The following GMDS variants were observed in gnomAD, a reference collection of about 807,000 sequenced individuals.
GMDS encodes GDP-mannose 4,6-dehydratase.
In GMDS, 20 loss-of-function variants were observed where a neutral mutation model predicts 49.9. The observed-to-expected ratio is 0.40, with a 90% CI of 0.28 to 0.58. The LOEUF (loss-of-function observed/expected upper bound fraction) is 0.58. Ranked by LOEUF, GMDS falls within the 20% of genes least tolerant of loss-of-function variation. The probability of loss-of-function intolerance (pLI) is 0.42; values close to 1 mark genes in which losing one functional copy is unlikely to be tolerated. For synonymous variants in GMDS, 177 were observed against 178.6 expected, an observed-to-expected ratio of 0.99 and a Z score of 0.07; for missense variants, 362 against 481.4, an observed-to-expected ratio of 0.75 and a Z score of 2.32.
intron 8 of GMDS, 43 bp downstream of exon 8, chr6:1,742,425 C>T: frequency 8.9e-7 from 1 of 1,119,706 alleles, no homozygotes; most frequent in Non-Finnish European, 1.4e-6. Context: ...CAGGTGCATA[C>T]CTGCCAGAGA....
At chr6:2,121,615 C>A (rs1775143412) in intron 2 of GMDS, among the ~76,000 whole-genome samples, 1 of 152,156 alleles carries the variant, frequency 6.6e-6, no homozygotes. Flanking sequence ...TGAGGTGACA[C>A]AAAGTGATTA....
chr6:1,936,172 T>G (rs542814075), intron 6 of GMDS, among the ~76,000 whole-genome samples: 120 of 152,316 alleles, frequency 7.9e-4, no homozygotes, highest in African/African-American at 2.8e-3. Flanking sequence ...GTGTTTTAAT[T>G]TCTCAGTTCT....
intron 7 of GMDS, among the ~76,000 whole-genome samples, chr6:1,861,908 G>T (rs1340648360): frequency 6.6e-6 from 1 of 152,154 alleles, no homozygotes; most frequent in Non-Finnish European, 1.5e-5. Flanking sequence ...TTTATCTGTT[G>T]CACTGAAAAT....
chr6:2,101,204 C>T (rs1773904565), intron 4 of GMDS, among the ~76,000 whole-genome samples: 1 of 151,250 alleles, frequency 6.6e-6, no homozygotes, highest in Non-Finnish European at 1.5e-5. Flanking sequence ...AAGGGTTTAA[C>T]CGGGATGTTT....
intron 7 of GMDS, among the ~76,000 whole-genome samples, chr6:1,842,992 G>A (rs1263667416): frequency 2.0e-5 from 3 of 151,830 alleles, no homozygotes; most frequent in Non-Finnish European, 2.9e-5. Context: ...CTGTAGTCCC[G>A]GCTACTTAGG....
At chr6:1,798,807 A>T (rs1054407840) in intron 7 of GMDS, among the ~76,000 whole-genome samples, 1 of 152,208 alleles carries the variant, frequency 6.6e-6, no homozygotes, top group South Asian at 2.1e-4. Flanking sequence ...GGAGAATACG[A>T]GACAGCTTTG....
chr6:2,065,309 C>T (rs902633365), intron 4 of GMDS, among the ~76,000 whole-genome samples: 2 of 152,136 alleles, frequency 1.3e-5, no homozygotes, highest in Non-Finnish European at 2.9e-5. Flanking sequence ...TAGATAAAAC[C>T]ACAAAGACGG....
intron 4 of GMDS, among the ~76,000 whole-genome samples, chr6:1,969,889 T>C (rs1764502566): frequency 6.6e-6 from 1 of 152,172 alleles, no homozygotes; most frequent in African/African-American, 2.4e-5. Flanking sequence ...CTCTGTTTGT[T>C]TTTTCTCATT....
At position 1,766,839 on chromosome 6, in the gene GMDS, A is replaced by C. The variant is rs770462434; in HGVS notation, c.772-24253T>G. ...TGTGGGCTGAAACACTGACTGGACTAAACAAAGCCTGGCAATGGGCCAGAT... is the reference window on the plus strand; with the variant it reads ...TGTGGGCTGAAACACTGACTGGACTCAACAAAGCCTGGCAATGGGCCAGAT... On this transcript the variant is annotated intron_variant, in intron 7 of 10. Coordinates refer to ENST00000380815, the MANE Select transcript of GMDS (RefSeq NM_001500.4). This position sits in a 1 kb window ranked among gnomAD's most constrained non-coding sequence, Gnocchi z 4.5. Among the ~76,000 whole-genome samples, 35 of 152,220 alleles carry C rather than the reference A, an allele frequency of 2.3e-4. No individual in the cohort carries two copies. Among genetic ancestry groups the C allele is most frequent in the Non-Finnish European group, 4.1e-4 (28 of 68,034 alleles).
At chr6:1,644,084 C>T (rs1198676553) in intron 9 of GMDS, among the ~76,000 whole-genome samples, 2 of 152,194 alleles carry the variant, frequency 1.3e-5, no homozygotes, top group African/African-American at 2.4e-5. Context: ...TCGGCCTGCT[C>T]TTCTGGCAAG....
At chr6:1,720,662 C>A (rs908326597) in intron 9 of GMDS, among the ~76,000 whole-genome samples, 1 of 152,164 alleles carries the variant, frequency 6.6e-6, no homozygotes, top group Admixed American at 6.5e-5. Flanking sequence ...TCTCGCCTCT[C>A]TTTCTATAGG....
At chr6:1,966,610 A>G (rs1291777007) in intron 4 of GMDS, among the ~76,000 whole-genome samples, 1 of 152,146 alleles carries the variant, frequency 6.6e-6, no homozygotes, top group Non-Finnish European at 1.5e-5. Flanking sequence ...CAGCTGTGTC[A>G]TCACTCAGTC....
intron 1 of GMDS, among the ~76,000 whole-genome samples, chr6:2,147,234 G>A (rs577470890): frequency 1.5e-4 from 23 of 152,172 alleles, no homozygotes; most frequent in African/African-American, 5.1e-4. Flanking sequence ...AAAAGTTACC[G>A]GTTGGCCAAA....
At chr6:2,031,606 G>A (rs1278403357) in intron 4 of GMDS, among the ~76,000 whole-genome samples, 2 of 152,092 alleles carry the variant, frequency 1.3e-5, no homozygotes, top group Non-Finnish European at 2.9e-5. Flanking sequence ...TGAGTCCCTG[G>A]AAGAAAGTGA....
At chr6:1,858,603 T>C (rs952234753) in intron 7 of GMDS, among the ~76,000 whole-genome samples, 1 of 152,144 alleles carries the variant, frequency 6.6e-6, no homozygotes, top group Non-Finnish European at 1.5e-5. Context: ...TATATATTAC[T>C]GAATAGGGAT....
chr6:2,145,940 G>T (rs1194645331), intron 1 of GMDS, among the ~76,000 whole-genome samples: 1 of 152,152 alleles, frequency 6.6e-6, no homozygotes, highest in Non-Finnish European at 1.5e-5. Flanking sequence ...GCACCCATGA[G>T]GGTTCCTGGA....
chr6:1,942,476 C>G (rs936254871), intron 6 of GMDS, among the ~76,000 whole-genome samples: 8 of 152,154 alleles, frequency 5.3e-5, no homozygotes, highest in Non-Finnish European at 8.8e-5. Flanking sequence ...CAAGCTGGCC[C>G]AAAGCACCAC....
intron 7 of GMDS, among the ~76,000 whole-genome samples, chr6:1,745,329 GGT>G: frequency 6.7e-6 from 1 of 149,342 alleles, no homozygotes; most frequent in Non-Finnish European, 1.5e-5. Context: ...GCTACTGGTG[GGT>G]CACTTGGAGA....
At chr6:2,236,053 G>C (rs1423107529) in intron 1 of GMDS, among the ~76,000 whole-genome samples, 1 of 152,182 alleles carries the variant, frequency 6.6e-6, no homozygotes, top group Non-Finnish European at 1.5e-5. Context: ...CTCTGGAGCA[G>C]ATGGAAGATT....
Sources: gnomAD v4.1 joint callset for allele counts (sites outside exome capture counted in the v4.1 genomes callset) on GRCh38, gnomAD v4.1.1 for gene constraint, Gnocchi (gnomAD v3.1) non-coding constraint, MANE v1.5 for transcripts, NCBI Gene and HGNC (gene_info 2026-07-23, HGNC 2026-07-21) for gene names.